Variants in NUDT21 observed in about 807,000 individuals in gnomAD.
The protein encoded by NUDT21 is cleavage and polyadenylation specificity factor subunit 5.
NUDT21 carries 5 observed loss-of-function variants against 29.8 expected under a neutral mutation model. The ratio of observed to expected loss-of-function variants is 0.17; its 90% CI spans 0.09 to 0.35. The LOEUF (loss-of-function observed/expected upper bound fraction) is 0.35. NUDT21 is among the 10% of genes least tolerant of loss of function. NUDT21 has a pLI of 1.00. For synonymous variants in NUDT21, 113 were observed against 98.5 expected (o/e 1.15, Z -0.87); for missense variants, 76 against 276.0 (o/e 0.28, Z 5.13).
rs1343414552 is a variant in NUDT21, at chr16:56,451,301, T to C, written c.-99A>G. 1.2e-5 allele frequency: 11 copies of C among 930,004 alleles called. No homozygotes were observed. Among genetic ancestry groups the C allele is most frequent in the Non-Finnish European group, 1.6e-5 (10 of 614,454 alleles). The allele number at this position is 930,004 out of a possible 1,614,324, so 57.6% of individuals were successfully genotyped here. On this transcript the variant is annotated 5_prime_UTR_variant, in exon 1 of 7. Transcript: ENST00000300291. ...TATCTGCAATCCCCTCAGCGGCTAC[T>C]GCCCGCCATTAACAGGACAGCGCAA...
At position 56,447,950 on chromosome 16, in the gene NUDT21, G is replaced by T. The variant is rs760590979; in HGVS notation, c.156C>A (p.Pro52=). 1 of 1,614,022 alleles carries T rather than the reference G, an allele frequency of 6.2e-7. No homozygotes were observed. The highest frequency in any genetic ancestry group is 8.5e-7 in the Non-Finnish European group (1 of 1,179,956). The change falls in exon 2 of 7, where the codon CCC becomes CCA. Residue 52 remains proline, a synonymous_variant. Transcript: ENST00000300291. ...CAACAGAGCTGTCCTTCTCGTAGAG[G>T]GGCTCTTTTGTACCAAAAGTATAAT... is the stretch of plus-strand genomic sequence containing the variant. The part of the protein sequence containing the change: ...LTNYTFGTKE[P]LYEKDSSVAA...
chr16:56,440,314 A>G lies in NUDT21; in HGVS notation c.382-568T>C, dbSNP rs371731204. On this transcript the variant is annotated intron_variant, in intron 3 of 6. Transcript: ENST00000300291. Reference sequence around the variant, plus strand: ...CCGACTGTTAACATCTCACACTAGTAAAGCACATTTGTCAAACTAATCAAC... The same window carrying G: ...CCGACTGTTAACATCTCACACTAGTGAAGCACATTTGTCAAACTAATCAAC... Among the ~76,000 whole-genome samples the G allele has an allele frequency of 8.5e-5, 13 of 152,368 alleles. No homozygotes were observed. The East Asian group carries it at 2.5e-3, about 29-fold the overall frequency.
intron 4 of NUDT21, among the ~76,000 whole-genome samples, chr16:56,438,267 A>G (rs1962125939): frequency 6.6e-6 from 1 of 152,134 alleles, no homozygotes; most frequent in Non-Finnish European, 1.5e-5. Flanking sequence ...TCTGTCTCTC[A>G]CTATCTCTTG....
chr16:56,435,407 C>A (rs1962085536), intron 4 of NUDT21, among the ~76,000 whole-genome samples: 1 of 151,806 alleles, frequency 6.6e-6, no homozygotes, highest in African/African-American at 2.4e-5. Flanking sequence ...AGCCACCATG[C>A]CCAGCCTAAA....
At position 56,451,303 on chromosome 16, in the gene NUDT21, C is replaced by G. The variant is rs1596960202; in HGVS notation, c.-101G>C. 1.1e-6 allele frequency: 1 copy of G among 930,338 alleles called. No individual in the cohort carries two copies. Among genetic ancestry groups the G allele is most frequent in the East Asian group, 2.5e-5 (1 of 40,308 alleles). The allele number at this position is 930,338 out of a possible 1,614,324, so 57.6% of individuals were successfully genotyped here. A position where few individuals can be genotyped will look rare whatever the true frequency, so the allele number is the denominator to read the frequency against. ...TCTGCAATCCCCTCAGCGGCTACTG[C>G]CCGCCATTAACAGGACAGCGCAAGA... On this transcript the variant is annotated 5_prime_UTR_variant, in exon 1 of 7. Transcript: ENST00000300291.
chr16:56,446,285 A>G (rs1482724645), intron 3 of NUDT21, among the ~76,000 whole-genome samples: 1 of 152,234 alleles, frequency 6.6e-6, no homozygotes, highest in Non-Finnish European at 1.5e-5. Flanking sequence ...CACTAGCTAT[A>G]TAACAAGAAG....
intron 6 of NUDT21, among the ~76,000 whole-genome samples, chr16:56,433,752 A>T (rs773901300): frequency 6.6e-5 from 10 of 151,910 alleles, no homozygotes; most frequent in Non-Finnish European, 1.3e-4. Context: ...CAGTAGCGTG[A>T]TCTCAGTTCA....
chr16:56,447,025 T>A lies in NUDT21; in HGVS notation c.318-336A>T, dbSNP rs962146754. 1.5e-5 allele frequency: 3 copies of A among 197,356 alleles called. No homozygotes were observed. In the Admixed American group the frequency reaches 1.8e-4, roughly 12 times the overall value. 12.2% of individuals were successfully genotyped at this position (197,356 alleles called of 1,614,324 possible). A position where few individuals can be genotyped will look rare whatever the true frequency, so the allele number is the denominator to read the frequency against. Reference sequence around the variant, plus strand: ...GAACCCATCACTGAAACAGTGAACATAACATCCAATAGGAAGTATTTCAAC... The same window carrying A: ...GAACCCATCACTGAAACAGTGAACAAAACATCCAATAGGAAGTATTTCAAC... On this transcript the variant is annotated intron_variant, in intron 2 of 6. Transcript: ENST00000300291.
At position 56,446,595 on chromosome 16, in the gene NUDT21, T is replaced by C. The variant is rs182793487; in HGVS notation, c.381+31A>G. 485 of 1,285,504 alleles carry C rather than the reference T, an allele frequency of 3.8e-4. 2 individuals are homozygous for C. The highest frequency in any genetic ancestry group is 2.6e-5 in the Non-Finnish European group (23 of 901,062). The allele number at this position is 1,285,504 out of a possible 1,614,324, so 79.6% of individuals were successfully genotyped here. ...AAAAGCCAAATAACTAGTAAGTTGA[T>C]GGTATTCAAAGTGGTTAAACAGAAA... is the stretch of plus-strand genomic sequence containing the variant. On this transcript the variant is annotated intron_variant, in intron 3 of 6. Coordinates refer to ENST00000300291, the MANE Select transcript of NUDT21 (RefSeq NM_007006.3).
intron 4 of NUDT21, among the ~76,000 whole-genome samples, chr16:56,437,054 C>T (rs1962112187): frequency 6.6e-6 from 1 of 152,168 alleles, no homozygotes; most frequent in South Asian, 2.1e-4. Flanking sequence ...TATCTTTGAA[C>T]AAGTAACTTC....
chr16:56,450,303 G>A (rs1962274824), intron 1 of NUDT21, among the ~76,000 whole-genome samples: 1 of 152,178 alleles, frequency 6.6e-6, no homozygotes, highest in African/African-American at 2.4e-5. Context: ...CTGCTACAGC[G>A]AGTCTGCTTC....
At chr16:56,441,616 C>A (rs1054795915) in intron 3 of NUDT21, among the ~76,000 whole-genome samples, 3 of 152,196 alleles carry the variant, frequency 2.0e-5, no homozygotes, top group Admixed American at 6.5e-5. Flanking sequence ...AATCACACAT[C>A]CTAGTTACAC....
chr16:56,444,946 G>A (rs1179935277), intron 3 of NUDT21, among the ~76,000 whole-genome samples: 36 of 152,200 alleles, frequency 2.4e-4, no homozygotes, highest in African/African-American at 8.4e-4. Flanking sequence ...CACTTTGGAA[G>A]GCCAAGACAG....
rs1476163194 is a variant in NUDT21 at position 56,431,200 on chromosome 16, A to G, written c.*1512T>C. On this transcript the variant is annotated 3_prime_UTR_variant, in exon 7 of 7. Coordinates refer to ENST00000300291, the MANE Select transcript of NUDT21 (RefSeq NM_007006.3). ...ATGGATGAGCTTACCAGCAAAATACATTACATGAGAAATATGCTAATGTAG... is the reference window on the plus strand; with the variant it reads ...ATGGATGAGCTTACCAGCAAAATACGTTACATGAGAAATATGCTAATGTAG... 1 of 152,260 alleles carries G rather than the reference A, an allele frequency of 6.6e-6. No individual in the cohort carries two copies. The highest frequency in any genetic ancestry group is 2.1e-4 in the South Asian group (1 of 4,834). The allele number at this position is 152,260 out of a possible 1,614,324, so 9.4% of individuals were successfully genotyped here.
Position 56,451,250 on chromosome 16 carries a change from T to G in NUDT21, c.-48A>C, listed in dbSNP as rs988237554. On this transcript the variant is annotated 5_prime_UTR_variant, in exon 1 of 7. Transcript: ENST00000300291. Reference sequence around the variant, plus strand: ...GGCGAGCAGAAAGTGGCAGGCAGGGTAGACTTTCCCCGTGCGGGAAGCGGT... The same window carrying G: ...GGCGAGCAGAAAGTGGCAGGCAGGGGAGACTTTCCCCGTGCGGGAAGCGGT... 4 of 1,411,306 alleles carry G rather than the reference T, an allele frequency of 2.8e-6. No individual in the cohort carries two copies. The African/African-American group carries it at 4.3e-5, about 15-fold the overall frequency. 87.4% of individuals were successfully genotyped at this position (1,411,306 alleles called of 1,614,324 possible).
At chr16:56,432,847 C>CT (rs1201828673) in intron 6 of NUDT21, 114 bp from the exon 7 acceptor site, 2 of 723,414 alleles carry the variant, frequency 2.8e-6, no homozygotes, top group Non-Finnish European at 4.3e-6. Flanking sequence ...CTGGCATTTT[C>CT]TTTTTTTCCC....
intron 1 of NUDT21, 139 bp from the exon 2 acceptor site, chr16:56,448,128 T>C: frequency 1.5e-6 from 1 of 673,156 alleles, no homozygotes; most frequent in Non-Finnish European, 2.5e-6. Flanking sequence ...TTAACTAAAG[T>C]TAATGAAACA....
At chr16:56,434,903 T>C (rs566380578) in intron 4 of NUDT21, 74 bp from the exon 5 acceptor site, 7 of 878,810 alleles carry the variant, frequency 8.0e-6, no homozygotes, top group Non-Finnish European at 1.3e-5. Flanking sequence ...CTCCCCAGTA[T>C]AGTATAAACT....
At chr16:56,442,763 T>C (rs1962173884) in intron 3 of NUDT21, among the ~76,000 whole-genome samples, 1 of 152,232 alleles carries the variant, frequency 6.6e-6, no homozygotes, top group Non-Finnish European at 1.5e-5. Context: ...ATAGTTTATA[T>C]TGGTCCTTCT....
Sources: allele counts gnomAD v4.1 joint callset (sites outside exome capture counted in the v4.1 genomes callset), GRCh38; gene constraint gnomAD v4.1.1; transcripts MANE v1.5; gene names NCBI Gene and HGNC (gene_info 2026-07-23, HGNC 2026-07-21).